Variants in SCFD2 observed in about 807,000 individuals in gnomAD.
The protein encoded by SCFD2 is sec1 family domain-containing protein 2.
Under a neutral mutation model 58.9 loss-of-function variants are expected in SCFD2, and 54 were observed. That is an observed-to-expected ratio of 0.92 (90% CI 0.74 to 1.15). SCFD2 has a LOEUF of 1.15. Ranked by LOEUF, SCFD2 falls within the 50% of genes most tolerant of loss-of-function variation. SCFD2 has a pLI of 0.00. For synonymous variants in SCFD2, 321 were observed against 335.9 expected, an observed-to-expected ratio of 0.96 and a Z score of 0.49; for missense variants, 805 against 836.6, an observed-to-expected ratio of 0.96 and a Z score of 0.47.
intron 4 of SCFD2, among the ~76,000 whole-genome samples, chr4:53,184,693 G>A (rs548337586): frequency 2.0e-5 from 3 of 152,244 alleles, no homozygotes; most frequent in South Asian, 4.1e-4. Context: ...TAAGCAAGCT[G>A]TTGGCAATAG....
intron 5 of SCFD2, among the ~76,000 whole-genome samples, chr4:53,063,718 T>C (rs1723578825): frequency 6.6e-6 from 1 of 152,112 alleles, no homozygotes; most frequent in African/African-American, 2.4e-5. Flanking sequence ...TCACTGTTAT[T>C]TGATGAAGGT....
intron 4 of SCFD2, among the ~76,000 whole-genome samples, chr4:53,250,276 T>G (rs1368817850): frequency 1.3e-5 from 2 of 152,114 alleles, no homozygotes; most frequent in Non-Finnish European, 2.9e-5. Context: ...ATGCACCCAA[T>G]ATAGGAGCAC....
At chr4:52,877,962 C>T (rs747454355) in intron 8 of SCFD2, among the ~76,000 whole-genome samples, 9 of 152,322 alleles carry the variant, frequency 5.9e-5, no homozygotes, top group Middle Eastern at 6.8e-3. Context: ...CCTAACTCCT[C>T]GCAATTTCAC....
Position 53,214,405 on chromosome 4 carries a change from C to G in SCFD2, c.1311+59421G>C, listed in dbSNP as rs531752438. Among the ~76,000 whole-genome samples, 173 of 152,186 alleles carry G rather than the reference C, an allele frequency of 1.1e-3. 2 individuals are homozygous for G. Among genetic ancestry groups the G allele is most frequent in the Middle Eastern group, 6.8e-3 (2 of 294 alleles). On this transcript the variant is annotated intron_variant, in intron 4 of 8. Transcript: ENST00000401642. ...TTGATTTGCATTTCTCTGATGGCCA[C>G]TGATGATGAGCATTTTTTTCATGTG...
At chr4:53,349,959 C>T (rs1392816004) in intron 2 of SCFD2, among the ~76,000 whole-genome samples, 3 of 152,112 alleles carry the variant, frequency 2.0e-5, no homozygotes, top group African/African-American at 2.4e-5. Context: ...TAACTGTATG[C>T]GTTACCTTAG....
At chr4:53,163,319 C>T (rs888179894) in intron 4 of SCFD2, among the ~76,000 whole-genome samples, 2 of 152,296 alleles carry the variant, frequency 1.3e-5, no homozygotes, top group East Asian at 3.9e-4. Context: ...TTTCCTTTCT[C>T]TCACTTTGGT....
intron 5 of SCFD2, among the ~76,000 whole-genome samples, chr4:52,938,855 A>G (rs1720212551): frequency 6.6e-6 from 1 of 152,206 alleles, no homozygotes; most frequent in South Asian, 2.1e-4. Context: ...GTTCAGCAAT[A>G]TACCAGTTCT....
chr4:52,963,921 C>T (rs1183931577), intron 5 of SCFD2, among the ~76,000 whole-genome samples: 1 of 152,100 alleles, frequency 6.6e-6, no homozygotes, highest in Non-Finnish European at 1.5e-5. Context: ...TAATCAAATA[C>T]CTGAAAATCA....
chr4:53,119,473 T>A (rs1283604293), intron 5 of SCFD2, among the ~76,000 whole-genome samples: 1 of 152,090 alleles, frequency 6.6e-6, no homozygotes, highest in African/African-American at 2.4e-5. Flanking sequence ...AGAACGAGAC[T>A]GTTTCAAAAA....
intron 5 of SCFD2, among the ~76,000 whole-genome samples, chr4:53,044,166 G>A (rs1426888290): frequency 1.3e-5 from 2 of 152,106 alleles, no homozygotes; most frequent in Non-Finnish European, 2.9e-5. Context: ...TCCTCCTAAT[G>A]AAGTCTTCTC....
intron 5 of SCFD2, among the ~76,000 whole-genome samples, chr4:53,001,813 C>A (rs1577651974): frequency 6.6e-6 from 1 of 152,346 alleles, no homozygotes; most frequent in East Asian, 1.9e-4. Context: ...CAATGTCTCA[C>A]TTAATCCTCA....
At chr4:53,015,383 G>A (rs1577660974) in intron 5 of SCFD2, among the ~76,000 whole-genome samples, 1 of 152,114 alleles carries the variant, frequency 6.6e-6, no homozygotes, top group African/African-American at 2.4e-5. Context: ...TAAGACAGCA[G>A]CTCTGCCCTG....
At chr4:53,013,815 G>A (rs1421457987) in intron 5 of SCFD2, among the ~76,000 whole-genome samples, 1 of 152,168 alleles carries the variant, frequency 6.6e-6, no homozygotes, top group African/African-American at 2.4e-5. Flanking sequence ...ATTCCAAGAA[G>A]CTTCACATGT....
chr4:53,084,210 C>A (rs1175832103), intron 5 of SCFD2, among the ~76,000 whole-genome samples: 1 of 152,128 alleles, frequency 6.6e-6, no homozygotes, highest in Non-Finnish European at 1.5e-5. Flanking sequence ...CGTTTATGGA[C>A]CTCCCTCCAG....
intron 7 of SCFD2, among the ~76,000 whole-genome samples, chr4:52,891,983 G>T (rs1718888638): frequency 6.6e-6 from 1 of 152,166 alleles, no homozygotes; most frequent in African/African-American, 2.4e-5. Flanking sequence ...ATCCTCCCTT[G>T]GTGGCCCTGG....
chr4:53,335,721 T>C (rs1234051336), intron 2 of SCFD2, among the ~76,000 whole-genome samples: 1 of 152,146 alleles, frequency 6.6e-6, no homozygotes, highest in Non-Finnish European at 1.5e-5. Flanking sequence ...TAATAAATTT[T>C]TTATAAAGGA....
At chr4:53,021,646 AG>A (rs1722352909) in intron 5 of SCFD2, among the ~76,000 whole-genome samples, 1 of 152,070 alleles carries the variant, frequency 6.6e-6, no homozygotes, top group South Asian at 2.1e-4. Flanking sequence ...TGTTGGGAAA[AG>A]CTCCTTAGAG....
intron 8 of SCFD2, among the ~76,000 whole-genome samples, chr4:52,875,338 G>A (rs1718445298): frequency 6.6e-6 from 1 of 152,126 alleles, no homozygotes; most frequent in African/African-American, 2.4e-5. Flanking sequence ...CTGGGCTGGG[G>A]GCGTGATGTG....
intron 5 of SCFD2, among the ~76,000 whole-genome samples, chr4:53,023,011 C>T (rs1014540739): frequency 6.6e-6 from 1 of 152,150 alleles, no homozygotes; most frequent in African/African-American, 2.4e-5. Context: ...AAAAGAGCCA[C>T]ATTAAACCTC....
Sources: allele counts gnomAD v4.1 joint callset (sites outside exome capture counted in the v4.1 genomes callset), GRCh38; gene constraint gnomAD v4.1.1; transcripts MANE v1.5; gene names NCBI Gene and HGNC (gene_info 2026-07-23, HGNC 2026-07-21).